RBFOX1: variants seen among roughly 807,000 people sequenced by gnomAD.
RBFOX1 encodes RNA binding fox-1 homolog 1.
RBFOX1 carries 8 observed loss-of-function variants against 57.7 expected under a neutral mutation model. The observed-to-expected ratio is 0.14, with a 90% confidence interval of 0.08 to 0.25. The LOEUF is 0.25. Ranked by LOEUF, RBFOX1 falls within the 10% of genes least tolerant of loss-of-function variation. RBFOX1 has a pLI of 1.00. For missense variants in RBFOX1, 611 were observed against 548.5 expected (o/e 1.11, Z -1.14); for synonymous variants, 326 against 222.4 (o/e 1.47, Z -4.15).
intron 3 of RBFOX1, among the ~76,000 whole-genome samples, chr16:6,710,868 A>G (rs1409099958): frequency 6.6e-6 from 1 of 152,234 alleles, no homozygotes; most frequent in Non-Finnish European, 1.5e-5. Flanking sequence ...GGAAAGGGAC[A>G]GGCTTCATTT....
intron 4 of RBFOX1, among the ~76,000 whole-genome samples, chr16:7,058,017 A>AAC (rs1473985887): frequency 6.6e-6 from 1 of 151,516 alleles, no homozygotes; most frequent in African/African-American, 2.4e-5. Flanking sequence ...AAAAAAAAAA[A>AAC]AAAAACACGA....
intron 1 of RBFOX1, among the ~76,000 whole-genome samples, chr16:6,227,576 G>A (rs879269328): frequency 1.3e-5 from 2 of 151,676 alleles, no homozygotes; most frequent in East Asian, 1.9e-4. Flanking sequence ...CCAGCCACAC[G>A]CCCTTCTCCT....
At chr16:6,698,340 T>C (rs1350877734) in intron 3 of RBFOX1, among the ~76,000 whole-genome samples, 1 of 152,232 alleles carries the variant, frequency 6.6e-6, no homozygotes, top group Non-Finnish European at 1.5e-5. Flanking sequence ...TGGGAAAGTC[T>C]GCATTGATCT....
At chr16:6,083,545 C>T (rs551003755) in intron 1 of RBFOX1, among the ~76,000 whole-genome samples, 3 of 152,030 alleles carry the variant, frequency 2.0e-5, no homozygotes, top group South Asian at 2.1e-4. Context: ...GGCACAGTCA[C>T]AGCTCACTGC....
chr16:6,759,473 CTGTGTGTGTGTG>C (rs71145287), intron 3 of RBFOX1, among the ~76,000 whole-genome samples: 30,514 of 142,710 alleles, frequency 0.21, 3,828 homozygotes, highest in Non-Finnish European at 0.28. Context: ...TGTCAGTTGT[CTGTGTGTGTGTG>C]TGTGTGTGTG....
chr16:6,893,557 T>G (rs980298183), intron 3 of RBFOX1, among the ~76,000 whole-genome samples: 1 of 152,100 alleles, frequency 6.6e-6, no homozygotes, highest in African/African-American at 2.4e-5. Context: ...ACCAAGTCCA[T>G]GAGCCCCAAA....
At chr16:7,585,962 C>T (rs773161777) in intron 6 of RBFOX1, among the ~76,000 whole-genome samples, 2 of 152,038 alleles carry the variant, frequency 1.3e-5, no homozygotes, top group Admixed American at 6.6e-5. Flanking sequence ...CAGAAGCACG[C>T]GTAATGCTCT....
chr16:5,635,345 G>C (rs1333300698), intron 3 of RBFOX1, among the ~76,000 whole-genome samples: 6 of 152,182 alleles, frequency 3.9e-5, no homozygotes, highest in African/African-American at 1.2e-4. Flanking sequence ...CTCCTAGCCT[G>C]TCCCTCTCTC....
chr16:6,263,797 GC>G (rs2097716328), intron 1 of RBFOX1, among the ~76,000 whole-genome samples: 1 of 152,142 alleles, frequency 6.6e-6, no homozygotes, highest in Admixed American at 6.5e-5. Flanking sequence ...CACATTGGAA[GC>G]ACCACTCCAT....
chr16:7,580,829 C>T (rs1318811304), intron 6 of RBFOX1, among the ~76,000 whole-genome samples: 2 of 152,178 alleles, frequency 1.3e-5, no homozygotes, highest in African/African-American at 4.8e-5. Context: ...GACATCCCAG[C>T]AATGATAGCA....
chr16:5,957,982 G>A (rs971346975), intron 4 of RBFOX1, among the ~76,000 whole-genome samples: 5 of 151,928 alleles, frequency 3.3e-5, no homozygotes, highest in African/African-American at 1.2e-4. Flanking sequence ...ACTTTTCCCA[G>A]CCTCCGGTAA....
chr16:6,636,114 T>C (rs2098429877), intron 2 of RBFOX1, among the ~76,000 whole-genome samples: 1 of 152,178 alleles, frequency 6.6e-6, no homozygotes, highest in Admixed American at 6.5e-5. Context: ...TTTCCACTTG[T>C]GGCATCACCT....
intron 4 of RBFOX1, among the ~76,000 whole-genome samples, chr16:7,429,201 C>T (rs1446144734): frequency 6.6e-6 from 1 of 152,202 alleles, no homozygotes; most frequent in Non-Finnish European, 1.5e-5. Flanking sequence ...GGGACATCTA[C>T]TGGACAGAGG....
intron 3 of RBFOX1, among the ~76,000 whole-genome samples, chr16:6,681,919 C>T (rs1043481334): frequency 6.6e-6 from 1 of 152,112 alleles, no homozygotes; most frequent in African/African-American, 2.4e-5. Flanking sequence ...TGTGAAAAGT[C>T]AAGTATGTCC....
intron 3 of RBFOX1, among the ~76,000 whole-genome samples, chr16:5,731,611 T>G (rs1051429771): frequency 1.2e-4 from 18 of 152,172 alleles, no homozygotes; most frequent in African/African-American, 4.1e-4. Context: ...GGGCATGAAC[T>G]ATGTAATCTC....
At chr16:7,571,633 C>T (rs189534387) in intron 5 of RBFOX1, among the ~76,000 whole-genome samples, 57 of 152,188 alleles carry the variant, frequency 3.7e-4, no homozygotes, top group African/African-American at 9.9e-4. Context: ...GCACAGATCC[C>T]GCCTCCTAAT....
intron 3 of RBFOX1, among the ~76,000 whole-genome samples, chr16:7,024,705 C>A (rs1046622466): frequency 6.6e-6 from 1 of 152,188 alleles, no homozygotes; most frequent in Admixed American, 6.5e-5. Flanking sequence ...GGCACAAATT[C>A]CTCAGCACTC....
At chr16:6,767,564 C>T (rs1480357883) in intron 3 of RBFOX1, among the ~76,000 whole-genome samples, 2 of 152,020 alleles carry the variant, frequency 1.3e-5, no homozygotes, top group South Asian at 2.1e-4. Context: ...ACAATAATGT[C>T]AAATATAGCA....
intron 3 of RBFOX1, among the ~76,000 whole-genome samples, chr16:6,868,475 G>A (rs2060312100): frequency 6.9e-6 from 1 of 143,944 alleles, no homozygotes; most frequent in Non-Finnish European, 1.5e-5. Context: ...ATATTTATTG[G>A]TTTATGATTT....
Sources: gnomAD v4.1 joint callset for allele counts (sites outside exome capture counted in the v4.1 genomes callset) on GRCh38, gnomAD v4.1.1 for gene constraint, MANE v1.5 for transcripts, NCBI Gene and HGNC (gene_info 2026-07-23, HGNC 2026-07-21) for gene names.